The following BEGAIN variants were observed in gnomAD, a reference collection of about 807,000 sequenced individuals.
BEGAIN encodes brain-enriched guanylate kinase-associated protein.
Under a neutral mutation model 35.8 loss-of-function variants are expected in BEGAIN, and 19 were observed. That is an observed-to-expected ratio of 0.53 (90% CI 0.37 to 0.78). The LOEUF is 0.78. Among genes scored for constraint, BEGAIN ranks in the 30% least tolerant of loss-of-function variants. The pLI is 0.00. For synonymous variants in BEGAIN, 462 were observed against 388.6 expected (o/e 1.19, Z -2.22); for missense variants, 795 against 853.6 (o/e 0.93, Z 0.85).
chr14:100,551,966 C>T (rs1398017033), intron 2 of BEGAIN, among the ~76,000 whole-genome samples: 2 of 152,194 alleles, frequency 1.3e-5, no homozygotes, highest in Non-Finnish European at 2.9e-5. Context: ...CCCGGTGCTG[C>T]TGAGCGAACA....
rs367607366 is a variant in BEGAIN at position 100,537,944 on chromosome 14, C to T, written c.*25G>A. 302 of 1,582,998 alleles carry T rather than the reference C, an allele frequency of 1.9e-4. No individual in the cohort carries two copies. The highest frequency in any genetic ancestry group is 2.4e-4 in the Non-Finnish European group (279 of 1,165,906). On this transcript the variant is annotated 3_prime_UTR_variant, in exon 7 of 7. Coordinates refer to ENST00000554140, the MANE Select transcript of BEGAIN (RefSeq NM_001385089.1). ...GCACGTGGGCTGGCGGGGAGCGAAC[C>T]ACGGCCAGGCCTGCACGCAGGCGCT...
At chr14:100,550,577 C>G (rs2033089708) in intron 2 of BEGAIN, 1 of 398,388 alleles carries the variant, frequency 2.5e-6, no homozygotes, top group African/African-American at 2.1e-5. Flanking sequence ...CCATGCGTGG[C>G]CCACCATCAG....
chr14:100,555,239 C>G (rs1025285680), intron 2 of BEGAIN, among the ~76,000 whole-genome samples: 4 of 152,258 alleles, frequency 2.6e-5, no homozygotes, highest in Non-Finnish European at 4.4e-5. Flanking sequence ...CCCAAGCCTT[C>G]CATCAAAGGA....
rs117324273 is a variant in BEGAIN, at chr14:100,555,879, A to G, written c.72-9217T>C. 9.3e-3 allele frequency among the ~76,000 whole-genome samples: 1,409 copies of G among 152,236 alleles called. 12 individuals carry two copies. The highest frequency in any genetic ancestry group is 0.016 in the Non-Finnish European group (1,071 of 68,008). Reference sequence around the variant, plus strand: ...TCCCGTGGCTGACCTCTGCAGTGATACTGGGACTCCACCCGCACAGAGAGG... The same window carrying G: ...TCCCGTGGCTGACCTCTGCAGTGATGCTGGGACTCCACCCGCACAGAGAGG... On this transcript the variant is annotated intron_variant, in intron 2 of 6. Transcript: ENST00000554140.
intron 2 of BEGAIN, among the ~76,000 whole-genome samples, chr14:100,553,267 C>T (rs1193704345): frequency 2.0e-5 from 3 of 152,178 alleles, no homozygotes; most frequent in South Asian, 2.1e-4. Context: ...CCCCTCCCGC[C>T]GCCTCTCAGC....
In BEGAIN at chr14:100,538,296, G is replaced by A; in HGVS notation, c.1512C>T (p.Gly504=). The A allele has an allele frequency of 6.5e-7, 1 of 1,543,484 alleles. No individual in the cohort carries two copies. The highest frequency in any genetic ancestry group is 8.7e-7 in the Non-Finnish European group (1 of 1,154,022). ...SFSEGDDLSQ[G]HLAEPCFLRA... Reference sequence around the variant, plus strand: ...GCAGGAAGCAGGGCTCTGCCAGGTGGCCCTGGGAGAGGTCGTCCCCCTCGG... The same window carrying A: ...GCAGGAAGCAGGGCTCTGCCAGGTGACCCTGGGAGAGGTCGTCCCCCTCGG... Residue 504 remains glycine, a synonymous_variant, in exon 7 of 7, where the codon GGC becomes GGT. Coordinates refer to ENST00000554140, the MANE Select transcript of BEGAIN (RefSeq NM_001385089.1).
At chr14:100,546,373 G>A (rs2032404205) in intron 3 of BEGAIN, 128 bp downstream of exon 3, 2 of 97,208 alleles carry the variant, frequency 2.1e-5, no homozygotes, top group Non-Finnish European at 4.7e-5. Flanking sequence ...CCCTCGCCCC[G>A]CCCCGGCCCT....
chr14:100,537,685 T>A lies in BEGAIN; in HGVS notation c.*284A>T, dbSNP rs989897639. The A allele has an allele frequency of 4.3e-5, 18 of 417,306 alleles. No individual in the cohort carries two copies. Among genetic ancestry groups the A allele is most frequent in the Admixed American group, 1.2e-4 (3 of 24,598 alleles). 25.9% of individuals were successfully genotyped at this position (417,306 alleles called of 1,614,324 possible). Reference sequence around the variant, plus strand: ...AGACCCTTTTTCTCTATAAAAATAGTTTCGCTTTATAAAAGGGGGGATGCT... The same window carrying A: ...AGACCCTTTTTCTCTATAAAAATAGATTCGCTTTATAAAAGGGGGGATGCT... On this transcript the variant is annotated 3_prime_UTR_variant, in exon 7 of 7. Coordinates refer to ENST00000554140, the MANE Select transcript of BEGAIN (RefSeq NM_001385089.1).
At position 100,568,188 on chromosome 14, in the gene BEGAIN, C is replaced by T. The variant is rs1038626728; in HGVS notation, c.43-249G>A. ...CGCGCTCCCCGCACCGAGTTACGCC[C>T]CCCGGGGCGAAGAAGGGGCCGGCCC... On this transcript the variant is annotated intron_variant, in intron 1 of 6. Coordinates refer to ENST00000554140, the MANE Select transcript of BEGAIN (RefSeq NM_001385089.1). The surrounding 1 kb of genome is among the most constrained non-coding windows in gnomAD (Gnocchi z 7.5). 2.4e-6 allele frequency: 2 copies of T among 821,332 alleles called. No individual in the cohort carries two copies. Among genetic ancestry groups the T allele is most frequent in the Non-Finnish European group, 3.0e-6 (2 of 672,926 alleles). 50.9% of individuals were successfully genotyped at this position (821,332 alleles called of 1,614,324 possible).
rs921363571 is a variant in BEGAIN at position 100,541,642 on chromosome 14, G to A, written c.409-1063C>T. On this transcript the variant is annotated intron_variant, in intron 5 of 6. Coordinates refer to ENST00000554140, the MANE Select transcript of BEGAIN (RefSeq NM_001385089.1). ...TCGACCGGCTGCCCCTGGCACCAGA[G>A]GGCTGCAGGCACTGCCCAGCCAGCC... Among the ~76,000 whole-genome samples, 6 of 152,312 alleles carry A rather than the reference G, an allele frequency of 3.9e-5. No homozygotes were observed. The South Asian group carries it at 6.2e-4, about 16-fold the overall frequency.
intron 2 of BEGAIN, among the ~76,000 whole-genome samples, chr14:100,552,546 C>T (rs2033308187): frequency 6.6e-6 from 1 of 152,186 alleles, no homozygotes; most frequent in Non-Finnish European, 1.5e-5. Context: ...TCTTGGACTC[C>T]CCTTCGAAGG....
chr14:100,575,405 G>T (rs1809234384), intron 1 of BEGAIN, among the ~76,000 whole-genome samples: 1 of 152,182 alleles, frequency 6.6e-6, no homozygotes, highest in Non-Finnish European at 1.5e-5. Flanking sequence ...CTTGGGCCAG[G>T]GTCCTTCCCC....
rs1379904461 is a variant in BEGAIN at position 100,583,655 on chromosome 14, TTTTC to T, written c.42+3590_42+3593del. ...CTCTCTTTCTTTCTTTCTTTTCTTTTTTTCTTTCTTTCTCTCTCTCTCTTTCGTT... is the reference window on the plus strand; with the variant it reads ...CTCTCTTTCTTTCTTTCTTTTCTTTTTTTCTTTCTCTCTCTCTCTTTCGTT... On this transcript the variant is annotated intron_variant, in intron 1 of 6. Transcript: ENST00000554140. 2.4e-3 allele frequency among the ~76,000 whole-genome samples: 360 copies of T among 151,552 alleles called. 1 individual carries two copies. Among genetic ancestry groups the T allele is most frequent in the Non-Finnish European group, 3.3e-3 (222 of 67,916 alleles).
intron 4 of BEGAIN, among the ~76,000 whole-genome samples, chr14:100,544,382 C>A (rs942668187): frequency 1.3e-5 from 2 of 152,218 alleles, no homozygotes; most frequent in Non-Finnish European, 2.9e-5. Flanking sequence ...CCTGCCACCC[C>A]CCGTCTCTGA....
In BEGAIN at chr14:100,567,836, T is replaced by C; in HGVS notation, c.71+75A>G. ...GGGGATGCGCTCGGGTGGAGCCCCCTTCCCCCGCCTTCCCCAGCGCCCTCA... is the reference window on the plus strand; with the variant it reads ...GGGGATGCGCTCGGGTGGAGCCCCCCTCCCCCGCCTTCCCCAGCGCCCTCA... On this transcript the variant is annotated intron_variant, in intron 2 of 6. Transcript: ENST00000554140. The surrounding 1 kb of genome is among the most constrained non-coding windows in gnomAD (Gnocchi z 5.1). The C allele has an allele frequency of 7.4e-7, 1 of 1,347,254 alleles. No individual in the cohort carries two copies. The highest frequency in any genetic ancestry group is 2.5e-5 in the Admixed American group (1 of 40,456). The allele number at this position is 1,347,254 out of a possible 1,614,324, so 83.5% of individuals were successfully genotyped here.
chr14:100,561,934 A>G (rs2139660763), intron 2 of BEGAIN, among the ~76,000 whole-genome samples: 1 of 152,240 alleles, frequency 6.6e-6, no homozygotes, highest in East Asian at 1.9e-4. Context: ...GCTCCAGATT[A>G]GGAGTGACTC....
Position 100,586,899 on chromosome 14 carries a change from G to A in BEGAIN, c.42+350C>T, listed in dbSNP as rs576913242. Among the ~76,000 whole-genome samples the A allele has an allele frequency of 6.6e-6, 1 of 152,040 alleles. No individual in the cohort carries two copies. Among genetic ancestry groups the A allele is most frequent in the East Asian group, 2.0e-4 (1 of 5,084 alleles). On this transcript the variant is annotated intron_variant, in intron 1 of 6. Coordinates refer to ENST00000554140, the MANE Select transcript of BEGAIN (RefSeq NM_001385089.1). This position sits in a 1 kb window ranked among gnomAD's most constrained non-coding sequence, Gnocchi z 4.9. ...CTCGCCACCCGCCCGGGACAGCGGCGGGTCCCCAGTCCTCCGGCCGCGCCC... is the reference window on the plus strand; with the variant it reads ...CTCGCCACCCGCCCGGGACAGCGGCAGGTCCCCAGTCCTCCGGCCGCGCCC...
At chr14:100,571,081 C>T (rs1357517958) in intron 1 of BEGAIN, among the ~76,000 whole-genome samples, 1 of 152,130 alleles carries the variant, frequency 6.6e-6, no homozygotes, top group African/African-American at 2.4e-5. Flanking sequence ...GGGGGACAGT[C>T]CTCATGGCAC....
chr14:100,554,124 C>T (rs769502642), intron 2 of BEGAIN, among the ~76,000 whole-genome samples: 2 of 152,212 alleles, frequency 1.3e-5, no homozygotes, highest in Non-Finnish European at 2.9e-5. Context: ...CTCCAGGGCC[C>T]CTGGTGTCAG....
Sources: allele counts gnomAD v4.1 joint callset (sites outside exome capture counted in the v4.1 genomes callset), GRCh38; gene constraint gnomAD v4.1.1; non-coding constraint Gnocchi (gnomAD v3.1); transcripts MANE v1.5; gene names NCBI Gene and HGNC (gene_info 2026-07-23, HGNC 2026-07-21).